The following LAMA2 variants were observed in gnomAD, a reference collection of about 807,000 sequenced individuals.
The protein encoded by LAMA2 is laminin subunit alpha 2, also known as laminin subunit alpha-2.
In LAMA2, 269 loss-of-function variants were observed where a neutral mutation model predicts 364.8. The ratio of observed to expected loss-of-function variants is 0.74; its 90% CI spans 0.67 to 0.82. LAMA2 has a LOEUF of 0.82. Among genes scored for constraint, LAMA2 ranks in the 40% least tolerant of loss-of-function variants. The probability of loss-of-function intolerance (pLI) is 0.00; values close to 1 mark genes in which losing one functional copy is unlikely to be tolerated. For synonymous variants in LAMA2, 1,379 were observed against 1,370.6 expected (o/e 1.01, Z -0.14); for missense variants, 3,807 against 3,873.2 (o/e 0.98, Z 0.45).
chr6:129,278,201 C>CAAATA (rs991505628), intron 17 of LAMA2, among the ~76,000 whole-genome samples: 8 of 152,206 alleles, frequency 5.3e-5, no homozygotes, highest in African/African-American at 1.7e-4. Context: ...GACTCTGTCT[C>CAAATA]AAATAAAATA....
chr6:129,315,517 T>C lies in LAMA2; in HGVS notation c.3597T>C (p.Asp1199=), dbSNP rs199904029. 1.1e-4 allele frequency: 184 copies of C among 1,614,168 alleles called. No individual in the cohort carries two copies. The highest frequency in any genetic ancestry group is 8.5e-4 in the East Asian group (38 of 44,882). ...KAEQTILPLV[D]EALQHTTTKG... ...AGCAGACCATTCTACCCCTGGTAGA[T>C]GAGGCTCTGCAGCACACGACCACCA... Residue 1199 remains aspartate (D), a synonymous_variant, in exon 25 of 65, where the codon GAT becomes GAC. Transcript: ENST00000421865.
chr6:129,457,609 C>G (rs1308498454), intron 48 of LAMA2, among the ~76,000 whole-genome samples: 1 of 152,090 alleles, frequency 6.6e-6, no homozygotes, highest in Non-Finnish European at 1.5e-5. Context: ...TCTTATAACT[C>G]TTCCTATATG....
At chr6:128,993,212 T>C (rs1277762955) in intron 1 of LAMA2, among the ~76,000 whole-genome samples, 1 of 152,106 alleles carries the variant, frequency 6.6e-6, no homozygotes, top group Non-Finnish European at 1.5e-5. Context: ...CAAAAGAAAA[T>C]AATTAAGCAT....
intron 30 of LAMA2, among the ~76,000 whole-genome samples, chr6:129,348,798 C>G (rs1776701624): frequency 6.6e-6 from 1 of 152,080 alleles, no homozygotes; most frequent in Non-Finnish European, 1.5e-5. Flanking sequence ...TTATTTTATT[C>G]CAAGTGAAAC....
intron 3 of LAMA2, among the ~76,000 whole-genome samples, chr6:129,095,390 A>G (rs1415981345): frequency 2.0e-5 from 3 of 152,242 alleles, no homozygotes; most frequent in South Asian, 2.1e-4. Flanking sequence ...GCATTCCTAT[A>G]TAAAAAATTA....
intron 12 of LAMA2, among the ~76,000 whole-genome samples, chr6:129,206,001 T>G (rs1583248202): frequency 7.0e-6 from 1 of 142,912 alleles, no homozygotes. Context: ...CCAGCCTGGG[T>G]GACAGACTGA....
chr6:129,048,907 AC>A (rs1227703404), intron 1 of LAMA2, among the ~76,000 whole-genome samples: 1 of 152,074 alleles, frequency 6.6e-6, no homozygotes, highest in East Asian at 1.9e-4. Context: ...GAGTCACCAC[AC>A]CCGGCGAGGA....
intron 4 of LAMA2, among the ~76,000 whole-genome samples, chr6:129,103,510 G>T (rs1024336075): frequency 6.6e-6 from 1 of 151,876 alleles, no homozygotes; most frequent in Admixed American, 6.6e-5. Context: ...TTCTCTTCTG[G>T]GATCCAATTC....
At chr6:129,005,219 T>C (rs998087635) in intron 1 of LAMA2, among the ~76,000 whole-genome samples, 2 of 152,046 alleles carry the variant, frequency 1.3e-5, no homozygotes, top group African/African-American at 4.8e-5. Flanking sequence ...TAGACCTATA[T>C]AAGGCAGTAA....
intron 29 of LAMA2, among the ~76,000 whole-genome samples, chr6:129,330,699 T>G (rs1034256637): frequency 8.6e-5 from 13 of 150,670 alleles, no homozygotes; most frequent in African/African-American, 3.2e-4. Context: ...TGCACACACT[T>G]TTTTCTTGTT....
chr6:128,883,805 C>CACACACAT (rs1554312928), intron 1 of LAMA2, among the ~76,000 whole-genome samples: 135 of 97,418 alleles, frequency 1.4e-3, no homozygotes, highest in African/African-American at 6.5e-3. Context: ...TATATATACA[C>CACACACAT]ACACACACAC....
intron 1 of LAMA2, among the ~76,000 whole-genome samples, chr6:129,026,128 G>A (rs1785795375): frequency 6.6e-6 from 1 of 152,140 alleles, no homozygotes; most frequent in Non-Finnish European, 1.5e-5. Context: ...ATATGTTAGT[G>A]ATTTCATATT....
At chr6:129,059,987 ACT>A (rs1788786037) in intron 3 of LAMA2, 91 bp downstream of exon 3, 1 of 745,090 alleles carries the variant, frequency 1.3e-6, no homozygotes, top group Non-Finnish European at 2.4e-6. Context: ...GTGAAAGGAT[ACT>A]CTTTCTTATC....
intron 12 of LAMA2, among the ~76,000 whole-genome samples, chr6:129,206,162 A>G (rs1481372763): frequency 1.4e-5 from 2 of 146,206 alleles, no homozygotes; most frequent in East Asian, 2.0e-4. Context: ...GGAAGGAAGG[A>G]AGGAAATTAA....
chr6:129,090,522 GATATATC>G (rs1435173514), intron 3 of LAMA2, among the ~76,000 whole-genome samples: 1 of 152,126 alleles, frequency 6.6e-6, no homozygotes, highest in Non-Finnish European at 1.5e-5. Context: ...GCATTTGTTC[GATATATC>G]TAGGTCTCTC....
chr6:129,383,106 G>A lies in LAMA2; in HGVS notation c.4960-16G>A, dbSNP rs9483026. 390 of 1,604,880 alleles carry A rather than the reference G, an allele frequency of 2.4e-4. 1 individual carries two copies. In the African/African-American group the frequency reaches 4.3e-3, roughly 18 times the overall value. ...CATCTCTATTAATTATGTGTTTCCC[G>A]AATTTGGATCATTAGGCTACCAAAG... On this transcript the variant is annotated splice_polypyrimidine_tract_variant and intron_variant, in intron 34 of 64. Coordinates refer to ENST00000421865, the MANE Select transcript of LAMA2 (RefSeq NM_000426.4).
At chr6:128,942,411 C>T (rs1355904395) in intron 1 of LAMA2, among the ~76,000 whole-genome samples, 1 of 152,154 alleles carries the variant, frequency 6.6e-6, no homozygotes, top group African/African-American at 2.4e-5. Context: ...ACAGAAATCT[C>T]TTTCTTCCAG....
chr6:128,967,223 A>C (rs1484093384), intron 1 of LAMA2, among the ~76,000 whole-genome samples: 1 of 152,204 alleles, frequency 6.6e-6, no homozygotes, highest in Non-Finnish European at 1.5e-5. Context: ...CTAATGGTCA[A>C]GGTAGATTCA....
At chr6:129,322,845 A>C (rs973179255) in intron 28 of LAMA2, among the ~76,000 whole-genome samples, 9 of 152,344 alleles carry the variant, frequency 5.9e-5, no homozygotes, top group East Asian at 3.9e-4. Context: ...TGAATAGTAC[A>C]TTCAAATACA....
Sources: allele counts gnomAD v4.1 joint callset (sites outside exome capture counted in the v4.1 genomes callset), GRCh38; gene constraint gnomAD v4.1.1; transcripts MANE v1.5; gene names NCBI Gene and HGNC (gene_info 2026-07-23, HGNC 2026-07-21).